The following SDK1 variants were observed in gnomAD, a reference collection of about 807,000 sequenced individuals.
SDK1 encodes the protein protein sidekick-1.
SDK1 carries 157 observed loss-of-function variants against 245.5 expected under a neutral mutation model. The ratio of observed to expected loss-of-function variants is 0.64; its 90% CI spans 0.56 to 0.73. SDK1 has a LOEUF of 0.73. Among genes scored for constraint, SDK1 ranks in the 30% least tolerant of loss-of-function variants. The probability of loss-of-function intolerance (pLI) is 0.00; values close to 1 mark genes in which losing one functional copy is unlikely to be tolerated. For missense variants in SDK1, 3,583 were observed against 3,002.3 expected, an observed-to-expected ratio of 1.19 and a Z score of -4.52; for synonymous variants, 1,647 against 1,278.5, an observed-to-expected ratio of 1.29 and a Z score of -6.15.
chr7:3,575,671 G>C (rs184157817), intron 1 of SDK1, among the ~76,000 whole-genome samples: 1 of 151,900 alleles, frequency 6.6e-6, no homozygotes, highest in African/African-American at 2.4e-5. Flanking sequence ...GGCAATAGAT[G>C]TGTTTAGAGA....
intron 22 of SDK1, among the ~76,000 whole-genome samples, chr7:4,101,882 G>C (rs974631725): frequency 6.6e-6 from 1 of 152,162 alleles, no homozygotes; most frequent in African/African-American, 2.4e-5. Flanking sequence ...GTCAGAGAAA[G>C]GGCCAGATGG....
At chr7:3,843,892 T>A (rs981594125) in intron 5 of SDK1, among the ~76,000 whole-genome samples, 13 of 152,230 alleles carry the variant, frequency 8.5e-5, no homozygotes, top group African/African-American at 3.1e-4. Context: ...TGAAGGTTTA[T>A]GGTAATATTA....
chr7:4,222,136 C>T (rs993329314), intron 40 of SDK1, among the ~76,000 whole-genome samples: 3 of 152,148 alleles, frequency 2.0e-5, no homozygotes, highest in East Asian at 1.9e-4. Context: ...GGCAGGACCA[C>T]GGTGCTAGGA....
chr7:3,959,824 C>T (rs1781537255), intron 8 of SDK1, among the ~76,000 whole-genome samples: 1 of 151,842 alleles, frequency 6.6e-6, no homozygotes, highest in African/African-American at 2.4e-5. Context: ...GCTCTGGGTC[C>T]CCTTTTCCTT....
chr7:3,319,911 A>G (rs960782910), intron 1 of SDK1, among the ~76,000 whole-genome samples: 6 of 44,760 alleles, frequency 1.3e-4, no homozygotes, highest in African/African-American at 5.8e-4. Flanking sequence ...TGCTTTTCTG[A>G]AAATTTGAGC....
chr7:3,895,307 C>T (rs1026723721), intron 5 of SDK1, among the ~76,000 whole-genome samples: 2 of 152,156 alleles, frequency 1.3e-5, no homozygotes, highest in Non-Finnish European at 2.9e-5. Flanking sequence ...GTGCTTTCAT[C>T]TTTATAGAAA....
intron 1 of SDK1, among the ~76,000 whole-genome samples, chr7:3,380,205 C>T (rs1213215837): frequency 1.3e-5 from 2 of 152,124 alleles, no homozygotes; most frequent in Non-Finnish European, 2.9e-5. Flanking sequence ...CAGAGTTTGT[C>T]ACTAGGTCAA....
At chr7:3,656,828 A>C (rs1783201093) in intron 4 of SDK1, among the ~76,000 whole-genome samples, 1 of 151,602 alleles carries the variant, frequency 6.6e-6, no homozygotes, top group Non-Finnish European at 1.5e-5. Flanking sequence ...GCTCACTGCA[A>C]GCTCCGCCTC....
intron 19 of SDK1, among the ~76,000 whole-genome samples, chr7:4,056,644 A>T (rs1048446713): frequency 6.6e-6 from 1 of 152,080 alleles, no homozygotes; most frequent in African/African-American, 2.4e-5. Flanking sequence ...AAGCCCCTCA[A>T]AACTCACAGG....
chr7:3,564,605 A>C (rs950537728), intron 1 of SDK1, among the ~76,000 whole-genome samples: 16 of 152,158 alleles, frequency 1.1e-4, no homozygotes, highest in African/African-American at 3.6e-4. Flanking sequence ...AATTTGGGGG[A>C]AAAGCTAAAT....
At chr7:4,205,673 G>A (rs1784174818) in intron 35 of SDK1, among the ~76,000 whole-genome samples, 1 of 152,240 alleles carries the variant, frequency 6.6e-6, no homozygotes, top group South Asian at 2.1e-4. Flanking sequence ...TAAAAGGGCT[G>A]AGAGCTCTTA....
chr7:3,545,097 A>G (rs1779175106), intron 1 of SDK1, among the ~76,000 whole-genome samples: 2 of 152,102 alleles, frequency 1.3e-5, no homozygotes, highest in African/African-American at 4.8e-5. Context: ...GGGCGGCAGT[A>G]TTGGCACCAC....
intron 4 of SDK1, among the ~76,000 whole-genome samples, chr7:3,680,213 G>C (rs1784058014): frequency 6.6e-6 from 1 of 152,182 alleles, no homozygotes; most frequent in Non-Finnish European, 1.5e-5. Flanking sequence ...TAGACTGTGT[G>C]AGTCCATTTA....
intron 4 of SDK1, among the ~76,000 whole-genome samples, chr7:3,769,925 G>A (rs538426575): frequency 4.1e-5 from 6 of 146,844 alleles, no homozygotes; most frequent in Non-Finnish European, 7.4e-5. Context: ...AGTGTTATTT[G>A]TACTTATTGT....
intron 5 of SDK1, among the ~76,000 whole-genome samples, chr7:3,859,163 A>C (rs1780623143): frequency 6.6e-6 from 1 of 152,014 alleles, no homozygotes; most frequent in Non-Finnish European, 1.5e-5. Flanking sequence ...AGCCCGGCCC[A>C]TATTTTTCTT....
chr7:4,216,458 ACT>A (rs1296269765), intron 38 of SDK1, among the ~76,000 whole-genome samples: 7 of 151,924 alleles, frequency 4.6e-5, no homozygotes, highest in African/African-American at 1.7e-4. Flanking sequence ...AAAAATCCAG[ACT>A]CTAACCCTTT....
chr7:3,692,321 C>T (rs1784459239), intron 4 of SDK1, among the ~76,000 whole-genome samples: 1 of 151,896 alleles, frequency 6.6e-6, no homozygotes, highest in Non-Finnish European at 1.5e-5. Flanking sequence ...ATTTAAAATG[C>T]TTTTTCTTGC....
chr7:3,496,764 G>A (rs1583951458), intron 1 of SDK1, among the ~76,000 whole-genome samples: 1 of 152,138 alleles, frequency 6.6e-6, no homozygotes, highest in East Asian at 1.9e-4. Context: ...CATAAAACGT[G>A]CCATTGGTTA....
chr7:4,191,701 G>A (rs1352984588), intron 35 of SDK1, among the ~76,000 whole-genome samples: 1 of 152,264 alleles, frequency 6.6e-6, no homozygotes, highest in Non-Finnish European at 1.5e-5. Context: ...CCTTCTCTGG[G>A]GTTGAGTCTG....
Sources: allele counts gnomAD v4.1 joint callset (sites outside exome capture counted in the v4.1 genomes callset), GRCh38; gene constraint gnomAD v4.1.1; transcripts MANE v1.5; gene names NCBI Gene and HGNC (gene_info 2026-07-23, HGNC 2026-07-21).